The following GNL3L variants were observed in gnomAD, a reference collection of about 807,000 sequenced individuals.
GNL3L encodes the protein G protein nucleolar 3 like.
GNL3L carries 4 observed loss-of-function variants against 42.9 expected under a neutral mutation model. The observed-to-expected ratio is 0.09, with a 90% CI of 0.05 to 0.21. The LOEUF is 0.21. Ranked by LOEUF, GNL3L falls within the 10% of genes least tolerant of loss-of-function variation. GNL3L has a pLI of 1.00. For missense variants in GNL3L, 412 were observed against 481.7 expected, an observed-to-expected ratio of 0.86 and a Z score of 1.36; for synonymous variants, 159 against 176.3, an observed-to-expected ratio of 0.90 and a Z score of 0.78.
chrX:54,579,991 T>G (rs1172242373), intron 16 of GNL3L, among the ~76,000 whole-genome samples: 3 of 94,166 alleles, frequency 3.2e-5, no homozygotes, highest in East Asian at 7.1e-4. Context: ...AGTTTGTTTT[T>G]TTTTTTTTTT....
Position 54,616,805 on chromosome X carries a change from C to T in GNL3L, c.*46-4040C>T, listed in dbSNP as rs1293592896. Among the ~76,000 whole-genome samples, 4 of 111,520 alleles carry T rather than the reference C, an allele frequency of 3.6e-5. No homozygotes were observed. In the Admixed American group the frequency reaches 3.8e-4, roughly 11 times the overall value. On this transcript the variant is annotated intron_variant, in intron 16 of 16. Coordinates refer to the GNL3L transcript ENST00000674498. ...GAATGTGCACAATTGCAAAAATATT[C>T]CATAAATAGTATGAGCTTGTAAGGG...
chrX:54,539,159 G>T (rs1924538228), intron 3 of GNL3L, 58 bp downstream of exon 3: 1 of 633,433 alleles, frequency 1.6e-6, no homozygotes, highest in South Asian at 2.8e-5. Flanking sequence ...TCCTGGGAGA[G>T]GCCCACTAAA....
In GNL3L at chrX:54,530,686, A is replaced by G. The variant is rs539684199; in HGVS notation, c.-48+267A>G. ...TGTATAGACAGGAGTCGACCCACCAAAGGCATGGGGGACATCCACCCCAAC... is the reference window on the plus strand; with the variant it reads ...TGTATAGACAGGAGTCGACCCACCAGAGGCATGGGGGACATCCACCCCAAC... On this transcript the variant is annotated intron_variant, in intron 1 of 15. Transcript: ENST00000360845. Among the ~76,000 whole-genome samples the G allele has an allele frequency of 9.0e-5, 10 of 111,678 alleles. No individual in the cohort carries two copies. The South Asian group carries it at 3.4e-3, about 38-fold the overall frequency.
intron 10 of GNL3L, 41 bp downstream of exon 10, chrX:54,551,091 C>A: frequency 2.8e-6 from 2 of 702,009 alleles, no homozygotes; most frequent in South Asian, 2.2e-5. Context: ...ATTCCTTGAC[C>A]CTACCATTTC....
At chrX:54,552,513 G>T in intron 13 of GNL3L, 85 bp downstream of exon 13, 1 of 912,220 alleles carries the variant, frequency 1.1e-6, no homozygotes, top group Non-Finnish European at 1.5e-6. Flanking sequence ...TTGACCTCCC[G>T]CTTCCTTGGC....
chrX:54,531,502 C>T (rs1924245893), intron 1 of GNL3L, among the ~76,000 whole-genome samples: 1 of 110,698 alleles, frequency 9.0e-6, no homozygotes, highest in African/African-American at 3.3e-5. Flanking sequence ...TTTATAGCTG[C>T]ATTGCCAGCC....
intron 14 of GNL3L, among the ~76,000 whole-genome samples, chrX:54,556,361 C>T (rs922256402): frequency 1.8e-5 from 2 of 110,736 alleles, no homozygotes; most frequent in African/African-American, 6.6e-5. Flanking sequence ...CTCATGAGAA[C>T]CCACTATCAT....
chrX:54,573,951 G>T (rs562767553), intron 16 of GNL3L, among the ~76,000 whole-genome samples: 1 of 104,049 alleles, frequency 9.6e-6, no homozygotes, highest in African/African-American at 3.5e-5. Flanking sequence ...GTATTCTTAT[G>T]AACTTTTGAG....
chrX:54,548,127 G>A, intron 8 of GNL3L, 102 bp from the exon 9 acceptor site: 1 of 575,811 alleles, frequency 1.7e-6, no homozygotes, highest in East Asian at 3.5e-5. Flanking sequence ...TTCAGGCTGA[G>A]GAGCTCAGTG....
chrX:54,589,405 G>A (rs904569493), intron 16 of GNL3L, among the ~76,000 whole-genome samples: 2 of 109,283 alleles, frequency 1.8e-5, no homozygotes, highest in African/African-American at 6.7e-5. Context: ...TACCCTTCCC[G>A]GCCTCTGGTA....
chrX:54,594,993 A>G (rs1925915592), intron 16 of GNL3L, among the ~76,000 whole-genome samples: 1 of 111,726 alleles, frequency 9.0e-6, no homozygotes, highest in Non-Finnish European at 1.9e-5. Context: ...AAGTTGTTCT[A>G]GTTATTATTT....
chrX:54,589,430 TATGTCG>T (rs1925837528), intron 16 of GNL3L, among the ~76,000 whole-genome samples: 1 of 110,856 alleles, frequency 9.0e-6, no homozygotes, highest in Non-Finnish European at 1.9e-5. Flanking sequence ...TCCTACTCTC[TATGTCG>T]ATGAGTTCAA....
chrX:54,572,457 T>TGGGGAAAAG lies in GNL3L; in HGVS notation c.*45+11810_*45+11811insGGGGAAAAG, dbSNP rs1569542328. Among the ~76,000 whole-genome samples, 29 of 111,473 alleles carry TGGGGAAAAG rather than the reference T, an allele frequency of 2.6e-4. No homozygotes were observed. In the South Asian group the frequency reaches 7.0e-3, roughly 27 times the overall value. ...GATTTCTCAATCTTTTCCCCACCTT[T>TGGGGAAAAG]CCCCCCTTTCTATTCCACAAAGCCG... On this transcript the variant is annotated intron_variant, in intron 16 of 16. Transcript: ENST00000674498.
chrX:54,606,618 G>A (rs1926064062), intron 16 of GNL3L, among the ~76,000 whole-genome samples: 1 of 108,606 alleles, frequency 9.2e-6, no homozygotes, highest in Admixed American at 1.0e-4. Flanking sequence ...TGGGACTATA[G>A]GTGTGTGCCA....
rs977477432 is a variant in GNL3L, at chrX:54,581,004, C to T, written c.*45+20357C>T. ...CCATGTTGGCCAGGCTGGTCTCGAA[C>T]TCCTGACCTCAGGTGATCTGCCTGC... On this transcript the variant is annotated intron_variant, in intron 16 of 16. Transcript: ENST00000674498. Among the ~76,000 whole-genome samples the T allele has an allele frequency of 2.7e-5, 3 of 110,773 alleles. No individual in the cohort carries two copies. The Admixed American group carries it at 2.9e-4, about 11-fold the overall frequency.
chrX:54,543,100 C>A (rs1924676249), intron 6 of GNL3L, 62 bp downstream of exon 6: 2 of 1,092,780 alleles, frequency 1.8e-6, no homozygotes, highest in Non-Finnish European at 1.3e-6. Flanking sequence ...CTTTTCCTCT[C>A]CATTTCTGTT....
At chrX:54,616,096 G>A (rs966329279) in intron 16 of GNL3L, among the ~76,000 whole-genome samples, 2 of 112,671 alleles carry the variant, frequency 1.8e-5, no homozygotes, top group African/African-American at 6.4e-5. Flanking sequence ...CAGAGCTGGA[G>A]GAACTCATTG....
intron 16 of GNL3L, among the ~76,000 whole-genome samples, chrX:54,616,814 G>C: frequency 8.9e-6 from 1 of 111,816 alleles, no homozygotes; most frequent in East Asian, 2.8e-4. Flanking sequence ...TCCATAAATA[G>C]TATGAGCTTG....
At chrX:54,534,333 G>A (rs1924358893) in intron 2 of GNL3L, among the ~76,000 whole-genome samples, 1 of 111,333 alleles carries the variant, frequency 9.0e-6, no homozygotes. Context: ...GTGAAGCATT[G>A]TCCTTGGGAG....
Sources: gnomAD v4.1 joint callset for allele counts (sites outside exome capture counted in the v4.1 genomes callset) on GRCh38, gnomAD v4.1.1 for gene constraint, MANE v1.5 for transcripts, NCBI Gene and HGNC (gene_info 2026-07-23, HGNC 2026-07-21) for gene names.